The following YEATS4 variants were observed in gnomAD, a reference collection of about 807,000 sequenced individuals.
YEATS4 encodes YEATS domain-containing protein 4.
A neutral mutation model predicts 30.1 loss-of-function variants in YEATS4; 17 were observed. That is an observed-to-expected ratio of 0.56 (90% CI 0.39 to 0.85). The LOEUF is 0.85. YEATS4 is among the 40% of genes least tolerant of loss of function. YEATS4 has a pLI of 0.00. For synonymous variants in YEATS4, 85 were observed against 87.5 expected (o/e 0.97, Z 0.16); for missense variants, 142 against 268.3 (o/e 0.53, Z 3.29).
In YEATS4 at chr12:69,359,744, T is replaced by A. The variant is rs902926590; in HGVS notation, c.-229T>A. 9 of 546,652 alleles carry A rather than the reference T, an allele frequency of 1.6e-5. No individual in the cohort carries two copies. The highest frequency in any genetic ancestry group is 1.6e-4 in the African/African-American group (8 of 51,126). The allele number at this position is 546,652 out of a possible 1,614,324, so 33.9% of individuals were successfully genotyped here. A position where few individuals can be genotyped will look rare whatever the true frequency, so the allele number is the denominator to read the frequency against. On this transcript the variant is annotated 5_prime_UTR_variant, in exon 1 of 7. Coordinates refer to ENST00000247843, the MANE Select transcript of YEATS4 (RefSeq NM_006530.4). ...CTGCGCGCGGTGCGGCCGTCGCCCC[T>A]CTTTTCGCGGCGTTCTCCACCTGCG...
chr12:69,398,433 ATT>A, the YEATS4 span, among the ~76,000 whole-genome samples: 182 of 149,676 alleles, frequency 1.2e-3, 2 homozygotes, highest in South Asian at 4.4e-3. Flanking sequence ...GAAAATAAAA[ATT>A]TTAAAAAAAT....
At chr12:69,417,318 C>T in the YEATS4 span, among the ~76,000 whole-genome samples, 96 of 150,952 alleles carry the variant, frequency 6.4e-4, no homozygotes, top group African/African-American at 2.1e-3. Context: ...TGCCATCACA[C>T]CTGGCTAATT....
chr12:69,390,116 ATACTT>A, intron 6 of YEATS4, 26 bp from the exon 7 acceptor site: 2 of 1,542,422 alleles, frequency 1.3e-6, no homozygotes, highest in Non-Finnish European at 1.7e-6. Context: ...TGTGAGAAAA[ATACTT>A]TAGTAAAAGT....
rs959605862 is a variant in YEATS4 at position 69,374,297 on chromosome 12, G to A, written c.514+3322G>A. On this transcript the variant is annotated intron_variant, in intron 6 of 6. Coordinates refer to ENST00000247843, the MANE Select transcript of YEATS4 (RefSeq NM_006530.4). ...TTTCCTTTTCTGTGTGTTCTCTTCC[G>A]TTTCTTTCATTACTGTTTTATATTT... Among the ~76,000 whole-genome samples the A allele has an allele frequency of 5.9e-5, 9 of 151,742 alleles. 1 individual carries two copies. Among genetic ancestry groups the A allele is most frequent in the South Asian group, 4.2e-4 (2 of 4,816 alleles).
the YEATS4 span, among the ~76,000 whole-genome samples, chr12:69,402,725 C>CTTTT: frequency 1.9e-4 from 21 of 113,092 alleles, no homozygotes; most frequent in East Asian, 4.9e-4. Flanking sequence ...TCTTTCTTTT[C>CTTTT]TTTTTTTTTT....
At chr12:69,398,288 G>A in the YEATS4 span, among the ~76,000 whole-genome samples, 65 of 152,058 alleles carry the variant, frequency 4.3e-4, no homozygotes, top group African/African-American at 1.4e-3. Context: ...ATAATCTTGT[G>A]TAAAGAAAAC....
intron 6 of YEATS4, among the ~76,000 whole-genome samples, chr12:69,376,519 T>C (rs546187101): frequency 6.6e-6 from 1 of 152,380 alleles, no homozygotes; most frequent in South Asian, 2.1e-4. Flanking sequence ...CACATTGATT[T>C]GCTCATGTTG....
At chr12:69,375,755 GGT>G (rs1446377339) in intron 6 of YEATS4, among the ~76,000 whole-genome samples, 1 of 152,080 alleles carries the variant, frequency 6.6e-6, no homozygotes, top group Non-Finnish European at 1.5e-5. Context: ...TACAAAAACT[GGT>G]GAGGCGTGGT....
chr12:69,406,374 C>T, the YEATS4 span, among the ~76,000 whole-genome samples: 9 of 152,184 alleles, frequency 5.9e-5, no homozygotes, highest in Admixed American at 2.0e-4. Flanking sequence ...GTGGCTCAGG[C>T]TGGAGTACAG....
At chr12:69,378,584 A>G (rs1831916817) in intron 6 of YEATS4, among the ~76,000 whole-genome samples, 1 of 152,138 alleles carries the variant, frequency 6.6e-6, no homozygotes, top group Non-Finnish European at 1.5e-5. Context: ...ATAATATCCT[A>G]TAACCCGTTG....
chr12:69,412,830 T>C, the YEATS4 span, among the ~76,000 whole-genome samples: 1 of 151,508 alleles, frequency 6.6e-6, no homozygotes, highest in Non-Finnish European at 1.5e-5. Context: ...TAGGATGACA[T>C]GGGAGGGAGA....
chr12:69,401,029 A>G, the YEATS4 span: 4,958 of 152,244 alleles, frequency 0.033, 126 homozygotes, highest in Middle Eastern at 0.065. Flanking sequence ...TAAGTTTGGC[A>G]TTAATGTGGT....
chr12:69,405,390 A>T, the YEATS4 span, among the ~76,000 whole-genome samples: 2 of 152,236 alleles, frequency 1.3e-5, no homozygotes, highest in Non-Finnish European at 2.9e-5. Flanking sequence ...TCTCGATTTC[A>T]TGGATAGATG....
chr12:69,395,255 A>C (rs571743696), downstream of YEATS4, among the ~76,000 whole-genome samples: 74 of 152,192 alleles, frequency 4.9e-4, no homozygotes, highest in Non-Finnish European at 9.4e-4. Context: ...CCATTTATCC[A>C]AATATGCAAG....
At chr12:69,410,676 G>C in the YEATS4 span, among the ~76,000 whole-genome samples, 1 of 152,196 alleles carries the variant, frequency 6.6e-6, no homozygotes, top group African/African-American at 2.4e-5. Context: ...CCGGAGGATA[G>C]AGACGGCCCA....
At chr12:69,374,741 T>G (rs1875776887) in intron 6 of YEATS4, among the ~76,000 whole-genome samples, 1 of 151,930 alleles carries the variant, frequency 6.6e-6, no homozygotes, top group African/African-American at 2.4e-5. Context: ...AGAATTTTTC[T>G]TAGTACACAA....
At chr12:69,393,715 AGG>A (rs1357609065), downstream of YEATS4, among the ~76,000 whole-genome samples, 1 of 152,156 alleles carries the variant, frequency 6.6e-6, no homozygotes, top group Non-Finnish European at 1.5e-5. Flanking sequence ...AGGGGATGGT[AGG>A]GGGAGTAGAA....
intron 6 of YEATS4, among the ~76,000 whole-genome samples, chr12:69,384,139 T>C (rs781740416): frequency 6.6e-6 from 1 of 152,242 alleles, no homozygotes; most frequent in Non-Finnish European, 1.5e-5. Flanking sequence ...AAAAATGTTA[T>C]GAACATAAAA....
chr12:69,376,491 T>G (rs1047686809), intron 6 of YEATS4, among the ~76,000 whole-genome samples: 1 of 152,284 alleles, frequency 6.6e-6, no homozygotes, highest in African/African-American at 2.4e-5. Context: ...TGTCCATCAT[T>G]CTGTCGATAT....
Sources: gnomAD v4.1 joint callset for allele counts (sites outside exome capture counted in the v4.1 genomes callset) on GRCh38, gnomAD v4.1.1 for gene constraint, MANE v1.5 for transcripts, NCBI Gene and HGNC (gene_info 2026-07-23, HGNC 2026-07-21) for gene names.